Variants in PKM observed in about 807,000 individuals in gnomAD.
PKM encodes the protein pyruvate kinase PKM.
PKM carries 18 observed loss-of-function variants against 49.8 expected under a neutral mutation model. That is an observed-to-expected ratio of 0.36 (90% CI 0.25 to 0.54). The LOEUF (loss-of-function observed/expected upper bound fraction) is 0.54. Among genes scored for constraint, PKM ranks in the 20% least tolerant of loss-of-function variants. The pLI, the probability that PKM is intolerant of heterozygous loss-of-function variation, is 0.89. For missense variants in PKM, 508 were observed against 713.8 expected, an observed-to-expected ratio of 0.71 and a Z score of 3.28; for synonymous variants, 239 against 261.8, an observed-to-expected ratio of 0.91 and a Z score of 0.84.
In PKM at chr15:72,225,070, C is replaced by T. The variant is rs1340129592; in HGVS notation, c.-13-5960G>A. On this transcript the variant is annotated intron_variant, in intron 1 of 10. Coordinates refer to ENST00000335181, the MANE Select transcript of PKM (RefSeq NM_002654.6). ...CTGAGTAGCTGGGACTACAGGCGCCCGCCACCAGGCCCGGCTAATTTTTTT... is the reference window on the plus strand; with the variant it reads ...CTGAGTAGCTGGGACTACAGGCGCCTGCCACCAGGCCCGGCTAATTTTTTT... 1.5e-4 allele frequency among the ~76,000 whole-genome samples: 23 copies of T among 148,840 alleles called. 1 individual carries two copies. The highest frequency in any genetic ancestry group is 5.4e-4 in the African/African-American group (22 of 40,852).
At chr15:72,217,560 A>C in intron 2 of PKM, 60 bp from the exon 3 acceptor site, 4 of 1,122,694 alleles carry the variant, frequency 3.6e-6, no homozygotes, top group Non-Finnish European at 5.4e-6. Context: ...AAAACATTTA[A>C]GTTTGCTTAA....
rs150101872 is a variant in PKM, at chr15:72,215,068, G to A, written c.246+2341C>T. ...ATAAAAAAATTAGCTGGGCGTGGTG[G>A]CACAGGTCTGTAATCCCAGCTACTC... On this transcript the variant is annotated intron_variant, in intron 3 of 10. Transcript: ENST00000335181. 1.8e-3 allele frequency among the ~76,000 whole-genome samples: 273 copies of A among 152,276 alleles called. 2 individuals are homozygous for A. Among genetic ancestry groups the A allele is most frequent in the African/African-American group, 6.3e-3 (262 of 41,538 alleles).
chr15:72,210,056 C>T, intron 4 of PKM, 197 bp from the exon 5 acceptor site: 3 of 645,988 alleles, frequency 4.6e-6, no homozygotes, highest in Admixed American at 4.8e-5. Flanking sequence ...TTCAGTTATG[C>T]TACTTAATGA....
In PKM at chr15:72,205,270, G is replaced by A. The variant is rs529084345; in HGVS notation, c.1140+1458C>T. Among the ~76,000 whole-genome samples, 473 of 152,228 alleles carry A rather than the reference G, an allele frequency of 3.1e-3. 3 individuals carry two copies. The highest frequency in any genetic ancestry group is 0.011 in the South Asian group (54 of 4,816). ...TCCAAGTAGCTGGGACTACAGAAGT[G>A]CATCACCATGCCCAGCTAGCTAACT... On this transcript the variant is annotated intron_variant, in intron 8 of 10. Coordinates refer to ENST00000335181, the MANE Select transcript of PKM (RefSeq NM_002654.6).
rs2081964123 is a variant in PKM, at chr15:72,202,295, G to C, written c.1307+159C>G. ...TAGAGTCCTTTGGGCCCAGGGAAGG[G>C]GCTCTGCTCAATCCTTCCCTGCAGG... is the stretch of plus-strand genomic sequence containing the variant. On this transcript the variant is annotated intron_variant, in intron 9 of 10. Coordinates refer to ENST00000335181, the MANE Select transcript of PKM (RefSeq NM_002654.6). The surrounding 1 kb of genome is among the most constrained non-coding windows in gnomAD (Gnocchi z 4.5). 1.4e-6 allele frequency: 1 copy of C among 722,380 alleles called. No individual in the cohort carries two copies. The highest frequency in any genetic ancestry group is 2.4e-6 in the Non-Finnish European group (1 of 415,420). The allele number at this position is 722,380 out of a possible 1,614,324, so 44.7% of individuals were successfully genotyped here.
chr15:72,203,045 C>G, intron 8 of PKM: 1 of 1,614,206 alleles, frequency 6.2e-7, no homozygotes. Flanking sequence ...TCAGAACTAT[C>G]AAAGCTGCTG....
At chr15:72,228,612 G>T (rs1344908831) in intron 1 of PKM, 1 of 1,279,592 alleles carries the variant, frequency 7.8e-7, no homozygotes. Flanking sequence ...CAGAATAATT[G>T]AAAGGTTGAG....
intron 1 of PKM, among the ~76,000 whole-genome samples, chr15:72,225,945 G>A (rs1471492880): frequency 6.6e-6 from 1 of 152,222 alleles, no homozygotes; most frequent in East Asian, 1.9e-4. Flanking sequence ...CTATATCAAT[G>A]AACGCTGAGT....
intron 1 of PKM, among the ~76,000 whole-genome samples, chr15:72,228,036 G>T (rs2082731726): frequency 6.6e-6 from 1 of 152,100 alleles, no homozygotes; most frequent in Non-Finnish European, 1.5e-5. Context: ...AGTCACTGGG[G>T]GTACGGTTCT....
At position 72,208,894 on chromosome 15, in the gene PKM, G is replaced by A. The variant is rs879201891; in HGVS notation, c.566-3C>T. On this transcript the variant is annotated splice_region_variant and splice_polypyrimidine_tract_variant and intron_variant, in intron 5 of 10. Transcript: ENST00000335181. ...CTCCGTCACCAGGAAGTCGGCACCT[G>A]TATGAAAAAGGGTAAGTAGGGGAGG... is the stretch of plus-strand genomic sequence containing the variant. 5 of 1,613,322 alleles carry A rather than the reference G, an allele frequency of 3.1e-6. No individual in the cohort carries two copies. The highest frequency in any genetic ancestry group is 2.2e-5 in the South Asian group (2 of 90,998).
chr15:72,213,827 A>G (rs1414544762), intron 3 of PKM, among the ~76,000 whole-genome samples: 1 of 152,238 alleles, frequency 6.6e-6, no homozygotes, highest in Non-Finnish European at 1.5e-5. Flanking sequence ...TCATCTCTCT[A>G]TATAGGAATT....
intron 3 of PKM, among the ~76,000 whole-genome samples, chr15:72,215,374 C>T (rs1031901410): frequency 6.6e-6 from 1 of 152,124 alleles, no homozygotes; most frequent in Non-Finnish European, 1.5e-5. Flanking sequence ...ATAGCCCTGA[C>T]GTATGGTAAG....
intron 3 of PKM, among the ~76,000 whole-genome samples, chr15:72,214,226 G>A (rs899989938): frequency 1.3e-5 from 2 of 152,140 alleles, no homozygotes; most frequent in East Asian, 1.9e-4. Context: ...TTTATGAAAC[G>A]TGGGGGTTTT....
rs1253717535 is a variant in PKM, at chr15:72,202,981, G to C, written c.1141-361C>G. On this transcript the variant is annotated intron_variant, in intron 8 of 10. Transcript: ENST00000335181. The surrounding 1 kb of genome is among the most constrained non-coding windows in gnomAD (Gnocchi z 4.5). ...TCTCCTAGAGCAGGTGGAGCAAGAG[G>C]CTGGTTATCCTAACAGTGTTACCTG... 6.3e-7 allele frequency: 1 copy of C among 1,595,174 alleles called. No homozygotes were observed. The highest frequency in any genetic ancestry group is 1.7e-5 in the Admixed American group (1 of 59,996).
intron 1 of PKM, among the ~76,000 whole-genome samples, chr15:72,224,946 G>T (rs1241256269): frequency 6.9e-6 from 1 of 143,890 alleles, no homozygotes; most frequent in African/African-American, 2.6e-5. Context: ...TTTTGAGATG[G>T]AGTCTCGCTC....
Position 72,217,482 on chromosome 15 carries a change from A to G in PKM, c.173T>C (p.Val58Ala), listed in dbSNP as rs201533100. The G allele has an allele frequency of 3.3e-4, 536 of 1,609,248 alleles. No homozygotes were observed. The highest frequency in any genetic ancestry group is 4.2e-4 in the Non-Finnish European group (497 of 1,175,660). ...CTTAATCATCTCCTTCAACGTCTCC[A>G]CTGATCGGGAAGCTGGGCCTATTAG... ...ICTIGPASRS[V>A]ETLKEMIKSG... Residue 58 changes from valine to alanine, a missense_variant, in exon 3 of 11, where the codon GTG (valine) becomes GCG (alanine). Physicochemically the swap from Val to Ala is moderately conservative, Grantham distance 64. Coordinates refer to ENST00000335181, the MANE Select transcript of PKM (RefSeq NM_002654.6).
chr15:72,203,326 C>A, intron 8 of PKM: 1 of 738,762 alleles, frequency 1.4e-6, no homozygotes, highest in Non-Finnish European at 2.3e-6. Context: ...ATCTGTCCTT[C>A]AGGCAGATGC....
intron 1 of PKM, among the ~76,000 whole-genome samples, chr15:72,221,607 A>T (rs189924156): frequency 6.6e-6 from 1 of 152,292 alleles, no homozygotes; most frequent in Admixed American, 6.5e-5. Context: ...ACTGATATAA[A>T]TATAAAAATA....
chr15:72,208,448 C>A (rs888453559), intron 6 of PKM, among the ~76,000 whole-genome samples, 173 bp downstream of exon 6: 1 of 150,330 alleles, frequency 6.7e-6, no homozygotes, highest in Non-Finnish European at 1.5e-5. Context: ...AAAACAAAAA[C>A]AAAAAAACAT....
Sources: gnomAD v4.1 joint callset for allele counts (sites outside exome capture counted in the v4.1 genomes callset) on GRCh38, gnomAD v4.1.1 for gene constraint, Gnocchi (gnomAD v3.1) non-coding constraint, MANE v1.5 for transcripts, NCBI Gene and HGNC (gene_info 2026-07-23, HGNC 2026-07-21) for gene names.